Variants in KCNG3 observed in about 807,000 individuals in gnomAD.
The protein encoded by KCNG3 is voltage-gated potassium channel regulatory subunit KCNG3.
A neutral mutation model predicts 29.0 loss-of-function variants in KCNG3; 15 were observed. That is an observed-to-expected ratio of 0.52 (90% CI 0.35 to 0.80). The LOEUF (loss-of-function observed/expected upper bound fraction) is 0.80. Ranked by LOEUF, KCNG3 falls within the 30% of genes least tolerant of loss-of-function variation. The pLI, the probability that KCNG3 is intolerant of heterozygous loss-of-function variation, is 0.01. For missense variants in KCNG3, 512 were observed against 605.7 expected, an observed-to-expected ratio of 0.85 and a Z score of 1.62; for synonymous variants, 322 against 248.9, an observed-to-expected ratio of 1.29 and a Z score of -2.76.
At chr2:42,411,098 T>C in the KCNG3 span, among the ~76,000 whole-genome samples, 2 of 152,338 alleles carry the variant, frequency 1.3e-5, no homozygotes, top group South Asian at 4.1e-4. Context: ...AGATATTTTC[T>C]CATGCATTTT....
At chr2:42,427,765 T>A in the KCNG3 span, among the ~76,000 whole-genome samples, 1 of 152,232 alleles carries the variant, frequency 6.6e-6, no homozygotes. Flanking sequence ...TAATATATTT[T>A]AAAAATCTAC....
At chr2:42,428,157 A>ATT in the KCNG3 span, among the ~76,000 whole-genome samples, 8 of 146,992 alleles carry the variant, frequency 5.4e-5, no homozygotes, top group African/African-American at 1.5e-4. Context: ...AACAAGGTAG[A>ATT]TTTTTTTTTT....
intron 1 of KCNG3, among the ~76,000 whole-genome samples, chr2:42,479,335 A>G (rs1207480164): frequency 6.6e-6 from 1 of 152,204 alleles, no homozygotes; most frequent in Non-Finnish European, 1.5e-5. Context: ...GAGCTCAAGC[A>G]TGAATATCGT....
In KCNG3 at chr2:42,492,853, C is replaced by A; in HGVS notation, c.649G>T (p.Gly217Trp). ...DDRSRYSAGP[G>W]REPSGIIEAI... ...GCGTCCTACCCGGAGGGCTCCCTCC[C>A]AGGGCCGGCGGAGTACCTGCTCCGG... is the stretch of plus-strand genomic sequence containing the variant. The change falls in exon 1 of 2, where the codon GGG (glycine) becomes TGG (tryptophan). Residue 217 changes from glycine to tryptophan, a missense_variant. This residue lies in a region of KCNG3 where 228 missense variants were observed against 200.0 expected (regional missense o/e 1.14). Transcript: ENST00000306078. 6.6e-7 allele frequency: 1 copy of A among 1,505,750 alleles called. No individual in the cohort carries two copies. The highest frequency in any genetic ancestry group is 8.8e-7 in the Non-Finnish European group (1 of 1,131,610). 93.3% of individuals were successfully genotyped at this position (1,505,750 alleles called of 1,614,324 possible). A position where few individuals can be genotyped will look rare whatever the true frequency, so the allele number is the denominator to read the frequency against.
intron 1 of KCNG3, among the ~76,000 whole-genome samples, chr2:42,448,066 G>A (rs1672647250): frequency 6.6e-6 from 1 of 152,144 alleles, no homozygotes; most frequent in East Asian, 1.9e-4. Context: ...GGAGGTCTCT[G>A]CCACTCTGAG....
At chr2:42,447,021 C>T (rs887300506) in intron 1 of KCNG3, among the ~76,000 whole-genome samples, 1 of 150,748 alleles carries the variant, frequency 6.6e-6, no homozygotes, top group African/African-American at 2.4e-5. Flanking sequence ...GAGATTGAGG[C>T]TGCAGTGAGC....
intron 1 of KCNG3, among the ~76,000 whole-genome samples, chr2:42,477,438 T>TAC (rs1673466586): frequency 7.5e-6 from 1 of 132,998 alleles, no homozygotes; most frequent in South Asian, 2.5e-4. Context: ...TTTTTTTTTT[T>TAC]TTTTTTTGAG....
chr2:42,481,372 A>G (rs1195577936), intron 1 of KCNG3, among the ~76,000 whole-genome samples: 1 of 152,118 alleles, frequency 6.6e-6, no homozygotes, highest in Non-Finnish European at 1.5e-5. Context: ...CATCCAGGAG[A>G]AACCAAATAC....
At chr2:42,465,101 A>G (rs1191752374) in intron 1 of KCNG3, among the ~76,000 whole-genome samples, 1 of 152,206 alleles carries the variant, frequency 6.6e-6, no homozygotes, top group East Asian at 1.9e-4. Context: ...GAGATAATGC[A>G]TTACTATCCT....
At chr2:42,397,183 A>G in the KCNG3 span, among the ~76,000 whole-genome samples, 116,475 of 151,274 alleles carry the variant, frequency 0.77, 45,578 homozygotes, top group African/African-American at 0.9. Context: ...GGTGGAGGTT[A>G]CAGCGAGCCA....
chr2:42,416,472 C>G, the KCNG3 span, among the ~76,000 whole-genome samples: 1 of 152,142 alleles, frequency 6.6e-6, no homozygotes, highest in South Asian at 2.1e-4. Context: ...ACCTAAAGAT[C>G]ATGAAAAACA....
At chr2:42,439,118 C>G (rs1672424234), downstream of KCNG3, among the ~76,000 whole-genome samples, 1 of 152,112 alleles carries the variant, frequency 6.6e-6, no homozygotes, top group Admixed American at 6.6e-5. Context: ...CACAACTGTA[C>G]AGTAATTTTT....
At chr2:42,390,675 C>T in the KCNG3 span, among the ~76,000 whole-genome samples, 3 of 152,170 alleles carry the variant, frequency 2.0e-5, no homozygotes, top group Admixed American at 2.0e-4. Context: ...TCACCTTTCT[C>T]AGAACTGTCA....
chr2:42,454,482 C>T (rs374547638), intron 1 of KCNG3, among the ~76,000 whole-genome samples: 9 of 151,238 alleles, frequency 6.0e-5, no homozygotes, highest in South Asian at 2.1e-4. Context: ...GAGGCCGAGG[C>T]GGGCAGATCA....
the KCNG3 span, among the ~76,000 whole-genome samples, chr2:42,426,139 A>G: frequency 9.6e-4 from 146 of 152,326 alleles, no homozygotes; most frequent in African/African-American, 3.1e-3. Flanking sequence ...AATTAATCAA[A>G]TATTTGATGC....
intron 1 of KCNG3, among the ~76,000 whole-genome samples, chr2:42,476,021 G>A (rs1055622526): frequency 6.6e-6 from 1 of 152,128 alleles, no homozygotes; most frequent in East Asian, 1.9e-4. Flanking sequence ...AGCCAAGATC[G>A]TGCCATTGCA....
At position 42,473,721 on chromosome 2, in the gene KCNG3, A is replaced by G. The variant is rs185324908; in HGVS notation, c.665+19116T>C. On this transcript the variant is annotated intron_variant, in intron 1 of 1. Coordinates refer to ENST00000306078, the MANE Select transcript of KCNG3 (RefSeq NM_133329.6). Reference sequence around the variant, plus strand: ...CTTAGGTTTTTGATAGATGTAGTCAAGAAAAACACATTTTGATTGGCATAA... The same window carrying G: ...CTTAGGTTTTTGATAGATGTAGTCAGGAAAAACACATTTTGATTGGCATAA... Among the ~76,000 whole-genome samples, 11 of 152,310 alleles carry G rather than the reference A, an allele frequency of 7.2e-5. No individual in the cohort carries two copies. The East Asian group carries it at 2.1e-3, about 29-fold the overall frequency.
At chr2:42,454,396 T>C (rs548437076) in intron 1 of KCNG3, among the ~76,000 whole-genome samples, 1 of 152,242 alleles carries the variant, frequency 6.6e-6, no homozygotes, top group East Asian at 1.9e-4. Context: ...AAGAATCTAT[T>C]TGGAATTTAA....
chr2:42,404,748 T>C, the KCNG3 span, among the ~76,000 whole-genome samples: 1 of 151,936 alleles, frequency 6.6e-6, no homozygotes, highest in Non-Finnish European at 1.5e-5. Context: ...CAATGGAAAG[T>C]AGGGAACCAG....
Sources: allele counts gnomAD v4.1 joint callset (sites outside exome capture counted in the v4.1 genomes callset), GRCh38; gene constraint gnomAD v4.1.1; regional missense constraint gnomAD v4.1.1; transcripts MANE v1.5; gene names NCBI Gene and HGNC (gene_info 2026-07-23, HGNC 2026-07-21).